Variants in FRMPD4 observed in about 807,000 individuals in gnomAD.
FRMPD4 encodes FERM and PDZ domain-containing protein 4.
FRMPD4 carries 22 observed loss-of-function variants against 94.1 expected under a neutral mutation model. The ratio of observed to expected loss-of-function variants is 0.23; its 90% confidence interval spans 0.17 to 0.33. FRMPD4 has a LOEUF of 0.33. Among genes scored for constraint, FRMPD4 ranks in the 10% least tolerant of loss-of-function variants. The pLI, the probability that FRMPD4 is intolerant of heterozygous loss-of-function variation, is 1.00. For missense variants in FRMPD4, 1,111 were observed against 1,339.9 expected (o/e 0.83, Z 2.67); for synonymous variants, 631 against 548.6 (o/e 1.15, Z -2.10).
In FRMPD4 at chrX:11,918,050, G is replaced by T. The variant is rs181551750; in HGVS notation, c.95+40032G>T. ...ATTGTTGAGGCTCTGGACTAAACAT[G>T]GAACTGCCATTCTCCACAAACTTCC... On this transcript the variant is annotated intron_variant, in intron 3 of 18. Coordinates refer to the FRMPD4 transcript ENST00000640291. Among the ~76,000 whole-genome samples the T allele has an allele frequency of 4.7e-3, 523 of 111,727 alleles. 2 individuals carry two copies. Among genetic ancestry groups the T allele is most frequent in the Middle Eastern group, 9.3e-3 (2 of 214 alleles).
At chrX:12,449,585 C>T (rs1264629746) in intron 1 of FRMPD4, among the ~76,000 whole-genome samples, 1 of 112,087 alleles carries the variant, frequency 8.9e-6, no homozygotes, top group South Asian at 3.7e-4. Context: ...TTATTTAGTA[C>T]AGGATAAAGA....
chrX:11,973,502 A>T (rs2054351533), intron 3 of FRMPD4, among the ~76,000 whole-genome samples: 1 of 111,665 alleles, frequency 9.0e-6, no homozygotes, highest in South Asian at 3.8e-4. Flanking sequence ...TCCCCTACTG[A>T]ACCAGAATCT....
intron 5 of FRMPD4, among the ~76,000 whole-genome samples, chrX:12,676,285 G>C (rs2059898820): frequency 8.9e-6 from 1 of 111,964 alleles, no homozygotes; most frequent in Non-Finnish European, 1.9e-5. Flanking sequence ...AATACAGCTG[G>C]GCTGTTTTTA....
At chrX:12,671,810 C>T in intron 4 of FRMPD4, among the ~76,000 whole-genome samples, 1 of 111,120 alleles carries the variant, frequency 9.0e-6, no homozygotes, top group Non-Finnish European at 1.9e-5. Context: ...AATCATAAGA[C>T]AACTATATTC....
chrX:12,072,434 T>C (rs779561553), intron 3 of FRMPD4, among the ~76,000 whole-genome samples: 1 of 111,828 alleles, frequency 8.9e-6, no homozygotes, highest in Non-Finnish European at 1.9e-5. Context: ...TTGTCACCCG[T>C]ACTGTATGTT....
Position 12,414,625 on chromosome X carries a change from GC to G in FRMPD4, c.42-84053del, listed in dbSNP as rs760347868. Among the ~76,000 whole-genome samples the G allele has an allele frequency of 4.3e-3, 485 of 111,732 alleles. 2 individuals carry two copies. The highest frequency in any genetic ancestry group is 9.3e-3 in the Middle Eastern group (2 of 216). On this transcript the variant is annotated intron_variant, in intron 1 of 16. Coordinates refer to ENST00000675598, the MANE Select transcript of FRMPD4 (RefSeq NM_001368397.1). ...TTCTGCTTATCTTAGGTTTCGGAGAGCCATTAGTATATACAGGCCTTGAAAG... is the reference window on the plus strand; with the variant it reads ...TTCTGCTTATCTTAGGTTTCGGAGAGCATTAGTATATACAGGCCTTGAAAG...
At chrX:11,980,711 C>T (rs920862925) in intron 3 of FRMPD4, among the ~76,000 whole-genome samples, 1 of 111,858 alleles carries the variant, frequency 8.9e-6, no homozygotes, top group Non-Finnish European at 1.9e-5. Context: ...ACAAATTGAA[C>T]ATGCTCATTT....
chrX:12,053,359 G>GAAGAAAGAAAGAAAGAAAGAAAGA (rs57459327), intron 3 of FRMPD4, among the ~76,000 whole-genome samples: 9 of 51,432 alleles, frequency 1.7e-4, no homozygotes, highest in Admixed American at 2.8e-4. Context: ...AGGAAAGAAA[G>GAAGAAAGAAAGAAAGAAAGAAAGA]AAGAAAGAAA....
At chrX:12,299,866 A>G (rs1489687450) in intron 1 of FRMPD4, among the ~76,000 whole-genome samples, 1 of 112,448 alleles carries the variant, frequency 8.9e-6, no homozygotes, top group Non-Finnish European at 1.9e-5. Context: ...GGATTTCACA[A>G]GTCAATTCTA....
intron 1 of FRMPD4, among the ~76,000 whole-genome samples, chrX:12,188,686 A>G (rs1479494347): frequency 8.9e-6 from 1 of 111,871 alleles, no homozygotes; most frequent in Non-Finnish European, 1.9e-5. Context: ...CCAAATAAAA[A>G]CACTGCCATC....
chrX:12,675,429 A>G (rs1483390424), intron 5 of FRMPD4, among the ~76,000 whole-genome samples: 1 of 109,330 alleles, frequency 9.1e-6, no homozygotes, highest in Non-Finnish European at 1.9e-5. Context: ...TGATTTAAAA[A>G]AAAAAAAAAA....
chrX:12,715,064 G>A (rs1334041461), intron 14 of FRMPD4, among the ~76,000 whole-genome samples: 3 of 111,648 alleles, frequency 2.7e-5, no homozygotes, highest in East Asian at 5.6e-4. Flanking sequence ...TTGTGCTGGG[G>A]GCAGTTTGAG....
In FRMPD4 at chrX:12,558,251, G is replaced by A. The variant is rs140677484; in HGVS notation, c.159-51470G>A. ...TGTTTCATTTGATCCTCACAAGGTT[G>A]ATTGCGCATGCAAAACTGTCATATG... On this transcript the variant is annotated intron_variant, in intron 2 of 16. Transcript: ENST00000675598. 4.9e-3 allele frequency among the ~76,000 whole-genome samples: 548 copies of A among 112,778 alleles called. 4 individuals are homozygous for A. The highest frequency in any genetic ancestry group is 7.0e-3 in the Admixed American group (75 of 10,692).
At chrX:12,417,027 A>G (rs1461417001) in intron 1 of FRMPD4, among the ~76,000 whole-genome samples, 1 of 111,605 alleles carries the variant, frequency 9.0e-6, no homozygotes, top group Non-Finnish European at 1.9e-5. Context: ...TGAGATTTAA[A>G]GGCTCGGCTC....
chrX:11,903,028 A>G (rs750225906), intron 3 of FRMPD4, among the ~76,000 whole-genome samples: 11 of 112,141 alleles, frequency 9.8e-5, no homozygotes, highest in Non-Finnish European at 1.9e-4. Context: ...GATAACTCCA[A>G]GGTTTTTGAA....
At chrX:12,227,891 T>C (rs1215748746) in intron 1 of FRMPD4, among the ~76,000 whole-genome samples, 12 of 111,019 alleles carry the variant, frequency 1.1e-4, no homozygotes, top group Non-Finnish European at 3.8e-5. Context: ...AGACTATTTC[T>C]GTGGAGTGTA....
At chrX:11,994,948 C>T (rs2054488842) in intron 3 of FRMPD4, among the ~76,000 whole-genome samples, 1 of 111,575 alleles carries the variant, frequency 9.0e-6, no homozygotes, top group Non-Finnish European at 1.9e-5. Context: ...TGTGTTATGT[C>T]TGCTCTGAAG....
At chrX:12,666,838 C>T (rs1429016108) in intron 4 of FRMPD4, among the ~76,000 whole-genome samples, 1 of 112,125 alleles carries the variant, frequency 8.9e-6, no homozygotes, top group Non-Finnish European at 1.9e-5. Flanking sequence ...CAGGAAAGAT[C>T]TAAAATTGAC....
At chrX:12,555,277 C>T (rs1424134443) in intron 2 of FRMPD4, among the ~76,000 whole-genome samples, 4 of 111,175 alleles carry the variant, frequency 3.6e-5, no homozygotes, top group South Asian at 7.6e-4. Context: ...CTGGCCCCTG[C>T]GTCTTTTCTA....
Sources: allele counts gnomAD v4.1 joint callset (sites outside exome capture counted in the v4.1 genomes callset), GRCh38; gene constraint gnomAD v4.1.1; transcripts MANE v1.5; gene names NCBI Gene and HGNC (gene_info 2026-07-23, HGNC 2026-07-21).